The following DNAJC9 variants were observed in gnomAD, a reference collection of about 807,000 sequenced individuals.
DNAJC9 encodes dnaJ homolog subfamily C member 9.
In DNAJC9, 18 loss-of-function variants were observed where a neutral mutation model predicts 32.4. That is an observed-to-expected ratio of 0.56 (90% CI 0.38 to 0.82). The LOEUF is 0.82. Among genes scored for constraint, DNAJC9 ranks in the 40% least tolerant of loss-of-function variants. DNAJC9 has a pLI of 0.00. For synonymous variants in DNAJC9, 113 were observed against 122.1 expected, an observed-to-expected ratio of 0.93 and a Z score of 0.49; for missense variants, 310 against 321.8, an observed-to-expected ratio of 0.96 and a Z score of 0.28.
chr10:73,235,596 C>A, downstream of DNAJC9: 2 of 475,330 alleles, frequency 4.2e-6, no homozygotes, highest in Non-Finnish European at 6.8e-6. Context: ...TCCCAGTACA[C>A]ATCAGATAAG....
In DNAJC9 at chr10:73,247,241, G is replaced by A. The variant is rs759654368; in HGVS notation, c.-52C>T. 3 of 1,552,098 alleles carry A rather than the reference G, an allele frequency of 1.9e-6. No homozygotes were observed. Among genetic ancestry groups the A allele is most frequent in the Non-Finnish European group, 1.7e-6 (2 of 1,148,106 alleles). On this transcript the variant is annotated 5_prime_UTR_variant, in exon 1 of 5. Transcript: ENST00000372950. ...AAGCAGCCGCTCCCAGCTGCGCCGG[G>A]TACAACCCAGGACTGCTTCTTTTTC...
downstream of DNAJC9, among the ~76,000 whole-genome samples, chr10:73,235,753 C>T (rs7912096): frequency 0.1 from 15,956 of 152,100 alleles, 1,214 homozygotes; most frequent in East Asian, 0.31. Context: ...CAGACTAGAC[C>T]TGGAACTCCT....
chr10:73,235,978 G>A (rs10823997), downstream of DNAJC9, among the ~76,000 whole-genome samples: 15,953 of 152,146 alleles, frequency 0.1, 1,196 homozygotes, highest in East Asian at 0.31. Flanking sequence ...CTGGGAGCTC[G>A]ACCCCACATA....
chr10:73,239,379 C>A, downstream of DNAJC9: 1 of 1,551,364 alleles, frequency 6.4e-7, no homozygotes, highest in Non-Finnish European at 8.7e-7. Context: ...GGCAGGGGAT[C>A]TGCAGGTAAA....
intron 2 of DNAJC9, among the ~76,000 whole-genome samples, chr10:73,232,304 A>G (rs1283236634): frequency 6.6e-6 from 1 of 152,164 alleles, no homozygotes; most frequent in Non-Finnish European, 1.5e-5. Flanking sequence ...TTATTGGACG[A>G]CTTACAGAAA....
chr10:73,246,881 G>T, intron 1 of DNAJC9, 53 bp from the exon 2 acceptor site: 1 of 1,609,158 alleles, frequency 6.2e-7, no homozygotes, highest in East Asian at 2.2e-5. Flanking sequence ...CCGAAACGGC[G>T]GCGCGAGAAA....
chr10:73,234,226 T>C (rs2043772561), downstream of DNAJC9: 1 of 153,736 alleles, frequency 6.5e-6, no homozygotes. Flanking sequence ...TATAAATGCA[T>C]TCATTTGGGG....
intron 2 of DNAJC9, chr10:73,233,129 A>G: frequency 6.4e-7 from 1 of 1,551,780 alleles, no homozygotes; most frequent in Non-Finnish European, 8.7e-7. Context: ...TGAAACACCA[A>G]GATCTGTGGA....
chr10:73,232,834 T>C (rs1041339088), intron 2 of DNAJC9: 2 of 675,124 alleles, frequency 3.0e-6, no homozygotes, highest in African/African-American at 3.6e-5. Flanking sequence ...TTGCTTTATT[T>C]CCCCCTAAAT....
chr10:73,246,562 A>C, intron 2 of DNAJC9, 126 bp downstream of exon 2: 1 of 1,129,142 alleles, frequency 8.9e-7, no homozygotes, highest in Non-Finnish European at 1.3e-6. Flanking sequence ...CTGTATTTCA[A>C]GGCCAAACTC....
chr10:73,246,986 G>A (rs752742250), intron 1 of DNAJC9, 24 bp downstream of exon 1: 1 of 1,550,730 alleles, frequency 6.4e-7, no homozygotes, highest in Non-Finnish European at 8.7e-7. Context: ...CAGCCGGTCG[G>A]CTTCGGGGCG....
At chr10:73,239,262 C>T (rs1198492332), downstream of DNAJC9, 4 of 1,447,250 alleles carry the variant, frequency 2.8e-6, no homozygotes, top group Non-Finnish European at 3.8e-6. Flanking sequence ...AAAATATTAT[C>T]CTTTGTGAGA....
chr10:73,240,574 T>C (rs1222058824), downstream of DNAJC9, among the ~76,000 whole-genome samples: 1 of 151,848 alleles, frequency 6.6e-6, no homozygotes, highest in East Asian at 1.9e-4. Context: ...TAGCCGGGTG[T>C]GGTGGCAGAT....
chr10:73,241,152 A>G, downstream of DNAJC9: 1 of 664,734 alleles, frequency 1.5e-6, no homozygotes, highest in Non-Finnish European at 2.7e-6. Context: ...TTTTGGCACA[A>G]GTGACCGAAG....
downstream of DNAJC9, chr10:73,234,714 A>C: frequency 2.4e-6 from 3 of 1,243,932 alleles, no homozygotes; most frequent in Non-Finnish European, 3.3e-6. Flanking sequence ...CTTTCTGTGC[A>C]CATTAAACTC....
downstream of DNAJC9, among the ~76,000 whole-genome samples, chr10:73,237,679 C>T (rs1036126224): frequency 3.9e-5 from 6 of 152,304 alleles, no homozygotes; most frequent in African/African-American, 1.4e-4. Flanking sequence ...ACCTTGGCCT[C>T]CCAAAGTGCT....
downstream of DNAJC9, chr10:73,239,000 G>T (rs1049721545): frequency 1.4e-5 from 3 of 208,410 alleles, no homozygotes; most frequent in African/African-American, 4.6e-5. Context: ...CCAACAAAAA[G>T]AAATGAGACG....
At chr10:73,240,583 A>G (rs574653203), downstream of DNAJC9, among the ~76,000 whole-genome samples, 38 of 152,088 alleles carry the variant, frequency 2.5e-4, no homozygotes, top group Non-Finnish European at 3.5e-4. Context: ...GTGGTGGCAG[A>G]TGCCTGTAGT....
downstream of DNAJC9, among the ~76,000 whole-genome samples, chr10:73,236,207 A>G (rs2043817603): frequency 6.7e-6 from 1 of 149,036 alleles, no homozygotes; most frequent in South Asian, 2.2e-4. Flanking sequence ...GGCTTAAGAA[A>G]TGACCAAACA....
Sources: allele counts gnomAD v4.1 joint callset (sites outside exome capture counted in the v4.1 genomes callset), GRCh38; gene constraint gnomAD v4.1.1; transcripts MANE v1.5; gene names NCBI Gene and HGNC (gene_info 2026-07-23, HGNC 2026-07-21).